GMDS: variants seen among roughly 807,000 people sequenced by gnomAD.
GMDS encodes GDP-mannose 4,6 dehydratase.
GMDS carries 20 observed loss-of-function variants against 49.9 expected under a neutral mutation model. The observed-to-expected ratio is 0.40, with a 90% CI of 0.28 to 0.58. The LOEUF is 0.58. Ranked by LOEUF, GMDS falls within the 20% of genes least tolerant of loss-of-function variation. GMDS has a pLI of 0.42. For synonymous variants in GMDS, 177 were observed against 178.6 expected, an observed-to-expected ratio of 0.99 and a Z score of 0.07; for missense variants, 362 against 481.4, an observed-to-expected ratio of 0.75 and a Z score of 2.32.
At chr6:1,802,089 C>G (rs900414420) in intron 7 of GMDS, among the ~76,000 whole-genome samples, 1 of 152,128 alleles carries the variant, frequency 6.6e-6, no homozygotes, top group Middle Eastern at 3.2e-3. Flanking sequence ...AATAGAAAAA[C>G]GGAGATGCAG....
At chr6:2,169,460 T>A (rs968608030) in intron 1 of GMDS, among the ~76,000 whole-genome samples, 22 of 151,854 alleles carry the variant, frequency 1.4e-4, no homozygotes, top group African/African-American at 5.1e-4. Flanking sequence ...ACACAAAAAT[T>A]AGCTGGGTGT....
intron 4 of GMDS, among the ~76,000 whole-genome samples, chr6:2,023,207 T>C (rs905734903): frequency 3.9e-5 from 6 of 152,232 alleles, no homozygotes; most frequent in African/African-American, 1.4e-4. Flanking sequence ...ACACTAGTAA[T>C]TACCTAGATA....
At chr6:2,006,149 C>T (rs577792063) in intron 4 of GMDS, among the ~76,000 whole-genome samples, 35 of 152,050 alleles carry the variant, frequency 2.3e-4, no homozygotes, top group Admixed American at 7.2e-4. Context: ...TGGCCAGGCA[C>T]GGTGGTTCAC....
intron 7 of GMDS, among the ~76,000 whole-genome samples, chr6:1,818,463 C>T (rs1397193116): frequency 6.6e-6 from 1 of 151,788 alleles, no homozygotes; most frequent in African/African-American, 2.4e-5. Flanking sequence ...CAAAAATTAG[C>T]CAGGCGTGGT....
At chr6:1,881,873 A>G (rs1447727766) in intron 7 of GMDS, among the ~76,000 whole-genome samples, 1 of 152,226 alleles carries the variant, frequency 6.6e-6, no homozygotes, top group Non-Finnish European at 1.5e-5. Context: ...TCTGGTAAGA[A>G]TTACCATTAG....
intron 7 of GMDS, among the ~76,000 whole-genome samples, chr6:1,746,689 TTTTATTTA>T (rs138136400): frequency 4.0e-5 from 6 of 150,570 alleles, no homozygotes; most frequent in African/African-American, 1.5e-4. Context: ...AAAACTTTAG[TTTTATTTA>T]TTTATTTATT....
intron 1 of GMDS, among the ~76,000 whole-genome samples, chr6:2,140,937 G>A (rs1776252207): frequency 6.6e-6 from 1 of 152,148 alleles, no homozygotes. Flanking sequence ...TGCCCTGATG[G>A]AACCACCTCC....
At chr6:2,108,009 A>G (rs539935810) in intron 4 of GMDS, among the ~76,000 whole-genome samples, 1 of 152,330 alleles carries the variant, frequency 6.6e-6, no homozygotes, top group East Asian at 1.9e-4. Context: ...CAAGAAAACA[A>G]TGAGTTTTAA....
intron 9 of GMDS, among the ~76,000 whole-genome samples, chr6:1,662,087 A>ATTGTGCGGGAAAGGAC (rs1764097371): frequency 6.6e-6 from 1 of 151,850 alleles, no homozygotes; most frequent in Non-Finnish European, 1.5e-5. Flanking sequence ...GCTGGAAGGC[A>ATTGTGCGGGAAAGGAC]TTGTGCGGGA....
At position 2,079,019 on chromosome 6, in the gene GMDS, C is replaced by CTTTTTTTTTT. The variant is rs386405902; in HGVS notation, c.345+36742_345+36751dup. On this transcript the variant is annotated intron_variant, in intron 4 of 10. Coordinates refer to ENST00000380815, the MANE Select transcript of GMDS (RefSeq NM_001500.4). The stretch of plus-strand genomic sequence containing the variant: ...CTTTGTCATTGCATAATGACCTTGT[C>CTTTTTTTTTT]TTTTTTTTTTTTTTTTTTTTTTTTT... Among the ~76,000 whole-genome samples the CTTTTTTTTTT allele has an allele frequency of 1.2e-3, 42 of 33,978 alleles. 5 individuals carry two copies. The highest frequency in any genetic ancestry group is 5.4e-3 in the East Asian group (4 of 746). 22.3% of individuals were successfully genotyped at this position (33,978 alleles called of 152,430 possible). A position where few individuals can be genotyped will look rare whatever the true frequency, so the allele number is the denominator to read the frequency against.
chr6:2,136,224 AT>A (rs1178261912), intron 1 of GMDS, among the ~76,000 whole-genome samples: 1 of 152,236 alleles, frequency 6.6e-6, no homozygotes, highest in Non-Finnish European at 1.5e-5. Context: ...GCATATCACA[AT>A]TCAAATGTAA....
chr6:2,180,180 T>C (rs1266083057), intron 1 of GMDS, among the ~76,000 whole-genome samples: 2 of 152,004 alleles, frequency 1.3e-5, no homozygotes, highest in Non-Finnish European at 2.9e-5. Context: ...ACACCAGAGG[T>C]TGTGCAATGT....
intron 1 of GMDS, among the ~76,000 whole-genome samples, chr6:2,159,514 C>CTTT (rs1157303919): frequency 1.8e-3 from 198 of 108,156 alleles, no homozygotes; most frequent in Middle Eastern, 0.013. Flanking sequence ...TTCTTTTTTT[C>CTTT]TTTTTTTTTT....
chr6:1,793,502 T>C (rs762537622), intron 7 of GMDS, among the ~76,000 whole-genome samples: 2 of 152,216 alleles, frequency 1.3e-5, no homozygotes, highest in African/African-American at 4.8e-5. Context: ...AAGATGTCCA[T>C]GGACTTGATG....
chr6:1,934,616 A>C lies in GMDS; in HGVS notation c.644-4386T>G, dbSNP rs4489193. On this transcript the variant is annotated intron_variant, in intron 6 of 10. Coordinates refer to ENST00000380815, the MANE Select transcript of GMDS (RefSeq NM_001500.4). The stretch of plus-strand genomic sequence containing the variant: ...ACTTCTGCTAAATTTGTTCCTAAAC[A>C]CTTTATTCTTTTTTATTTTATTATA... 4.4e-3 allele frequency among the ~76,000 whole-genome samples: 673 copies of C among 152,292 alleles called. 3 individuals are homozygous for C. The highest frequency in any genetic ancestry group is 0.016 in the African/African-American group (652 of 41,574).
chr6:1,689,727 C>T (rs1765107015), intron 9 of GMDS, among the ~76,000 whole-genome samples: 1 of 152,154 alleles, frequency 6.6e-6, no homozygotes. Context: ...CAACGGTCAC[C>T]TTGGCAAAGG....
At chr6:1,652,721 G>T (rs1462633438) in intron 9 of GMDS, among the ~76,000 whole-genome samples, 12 of 48,948 alleles carry the variant, frequency 2.5e-4, no homozygotes, top group African/African-American at 6.6e-4. Context: ...TATATATATA[G>T]AGAGAGAGAG....
At chr6:2,028,032 G>A (rs1174626842) in intron 4 of GMDS, among the ~76,000 whole-genome samples, 5 of 152,108 alleles carry the variant, frequency 3.3e-5, no homozygotes, top group East Asian at 3.8e-4. Flanking sequence ...AACTCTTGGC[G>A]AAAGCTACTA....
At chr6:2,110,705 C>T (rs1275566274) in intron 4 of GMDS, among the ~76,000 whole-genome samples, 2 of 152,194 alleles carry the variant, frequency 1.3e-5, no homozygotes, top group Admixed American at 6.5e-5. Context: ...ACCTCCCAGG[C>T]ACTCATGCCT....
Sources: gnomAD v4.1 joint callset for allele counts (sites outside exome capture counted in the v4.1 genomes callset) on GRCh38, gnomAD v4.1.1 for gene constraint, MANE v1.5 for transcripts, NCBI Gene and HGNC (gene_info 2026-07-23, HGNC 2026-07-21) for gene names.